FOXP1: variants seen among roughly 807,000 people sequenced by gnomAD.
FOXP1 encodes forkhead box P1.
FOXP1 carries 15 observed loss-of-function variants against 98.2 expected under a neutral mutation model. That is an observed-to-expected ratio of 0.15 (90% CI 0.10 to 0.24). The LOEUF is 0.24. FOXP1 is among the 10% of genes least tolerant of loss of function. The pLI, the probability that FOXP1 is intolerant of heterozygous loss-of-function variation, is 1.00. For missense variants in FOXP1, 633 were observed against 848.5 expected, an observed-to-expected ratio of 0.75 and a Z score of 3.15; for synonymous variants, 371 against 314.5, an observed-to-expected ratio of 1.18 and a Z score of -1.90.
chr3:71,037,116 T>C (rs1376485762), intron 11 of FOXP1, among the ~76,000 whole-genome samples: 1 of 152,200 alleles, frequency 6.6e-6, no homozygotes, highest in Non-Finnish European at 1.5e-5. Context: ...TACTGCTTCC[T>C]GAGTGGTCAG....
At chr3:71,331,556 G>A (rs944849946) in intron 4 of FOXP1, among the ~76,000 whole-genome samples, 1 of 152,254 alleles carries the variant, frequency 6.6e-6, no homozygotes, top group Non-Finnish European at 1.5e-5. Context: ...AGCCAACTGG[G>A]CTCCTGAGTC....
intron 7 of FOXP1, 112 bp from the exon 8 acceptor site, chr3:71,053,885 T>G (rs1359345765): frequency 9.2e-7 from 1 of 1,090,028 alleles, no homozygotes; most frequent in Non-Finnish European, 1.4e-6. Context: ...CAATTTCCCA[T>G]GCAACATGTA....
intron 3 of FOXP1, chr3:71,360,450 G>T (rs150646996): frequency 9.2e-5 from 14 of 152,204 alleles, no homozygotes; most frequent in South Asian, 6.2e-4. Context: ...AGCTTTCATC[G>T]CTTGGTTAGG....
chr3:71,473,237 A>G (rs1311827008), intron 3 of FOXP1, among the ~76,000 whole-genome samples: 2 of 152,218 alleles, frequency 1.3e-5, no homozygotes, highest in Non-Finnish European at 2.9e-5. Flanking sequence ...ACCTAGGTAC[A>G]TACAGCTAGG....
chr3:70,971,965 A>G, intron 18 of FOXP1: 8 of 1,359,798 alleles, frequency 5.9e-6, no homozygotes, highest in Non-Finnish European at 7.6e-6. Context: ...ATGCAAAGCC[A>G]AAGCAACAGC....
Position 71,285,355 on chromosome 3 carries a change from A to G in FOXP1, c.-12+14465T>C, listed in dbSNP as rs1401408502. On this transcript the variant is annotated intron_variant, in intron 5 of 20. Transcript: ENST00000649528. ...AAACTCAACTATTCAAAAAATGCACAGTAGTTGTCAACCAGCAGGATAATT... is the reference window on the plus strand; with the variant it reads ...AAACTCAACTATTCAAAAAATGCACGGTAGTTGTCAACCAGCAGGATAATT... 3.3e-5 allele frequency among the ~76,000 whole-genome samples: 5 copies of G among 152,218 alleles called. No homozygotes were observed. The East Asian group carries it at 9.6e-4, about 29-fold the overall frequency.
At chr3:71,416,469 C>T (rs2083222065) in intron 3 of FOXP1, among the ~76,000 whole-genome samples, 1 of 151,618 alleles carries the variant, frequency 6.6e-6, no homozygotes, top group Admixed American at 6.6e-5. Context: ...CACTTTAGCC[C>T]AGGAGTTTGA....
At chr3:71,401,300 C>T (rs1003517398) in intron 3 of FOXP1, among the ~76,000 whole-genome samples, 19 of 152,204 alleles carry the variant, frequency 1.2e-4, no homozygotes, top group African/African-American at 4.6e-4. Context: ...CTTACATTCT[C>T]ATGCCTTCTA....
At chr3:71,580,975 G>A (rs1045978678) in intron 2 of FOXP1, 2 of 985,294 alleles carry the variant, frequency 2.0e-6, no homozygotes, top group South Asian at 9.4e-5. Flanking sequence ...CAGCCCCTCA[G>A]AAGTGGACTG....
chr3:71,119,022 C>A (rs1414173988), intron 6 of FOXP1, among the ~76,000 whole-genome samples: 1 of 152,190 alleles, frequency 6.6e-6, no homozygotes, highest in African/African-American at 2.4e-5. Context: ...AAAGATTTCA[C>A]TGGATAGAAT....
intron 3 of FOXP1, among the ~76,000 whole-genome samples, chr3:71,420,964 C>T (rs1301812438): frequency 6.6e-6 from 1 of 152,110 alleles, no homozygotes; most frequent in Non-Finnish European, 1.5e-5. Flanking sequence ...GAGCCCTATG[C>T]CCAGTGAATG....
At chr3:71,396,836 G>A (rs114356483) in intron 3 of FOXP1, among the ~76,000 whole-genome samples, 3,129 of 145,794 alleles carry the variant, frequency 0.021, 98 homozygotes, top group South Asian at 0.086. Flanking sequence ...TTATTTCTCC[G>A]AAACTTTACT....
chr3:71,488,799 A>T (rs188052195), intron 3 of FOXP1, among the ~76,000 whole-genome samples: 94 of 152,362 alleles, frequency 6.2e-4, no homozygotes, highest in African/African-American at 2.0e-3. Flanking sequence ...TATTAAATCT[A>T]GCCTCTCTTT....
At chr3:71,095,755 G>C (rs1192504185) in intron 7 of FOXP1, among the ~76,000 whole-genome samples, 1 of 152,172 alleles carries the variant, frequency 6.6e-6, no homozygotes, top group Admixed American at 6.5e-5. Flanking sequence ...TCAAGTTAGC[G>C]ATCTGGTGAG....
intron 6 of FOXP1, among the ~76,000 whole-genome samples, chr3:71,172,694 G>A (rs1006127113): frequency 6.6e-6 from 1 of 152,178 alleles, no homozygotes; most frequent in African/African-American, 2.4e-5. Flanking sequence ...TTGGTCCTGT[G>A]TTCAAAATGA....
chr3:71,263,615 A>C (rs1159313434), intron 5 of FOXP1, among the ~76,000 whole-genome samples: 3 of 152,132 alleles, frequency 2.0e-5, no homozygotes, highest in Non-Finnish European at 4.4e-5. Context: ...AGGCTGCTCC[A>C]CCTACTCAAG....
At chr3:70,987,616 G>C (rs2039960287) in intron 14 of FOXP1, among the ~76,000 whole-genome samples, 1 of 152,160 alleles carries the variant, frequency 6.6e-6, no homozygotes, top group South Asian at 2.1e-4. Flanking sequence ...GAGCTGAAAT[G>C]CCTCTTTGCT....
intron 20 of FOXP1, among the ~76,000 whole-genome samples, chr3:70,962,547 A>C (rs939809039): frequency 6.6e-6 from 1 of 152,244 alleles, no homozygotes; most frequent in Non-Finnish European, 1.5e-5. Context: ...TGTGTTTCTC[A>C]GATTACTGAC....
At chr3:71,264,023 G>A (rs1177189367) in intron 5 of FOXP1, among the ~76,000 whole-genome samples, 1 of 151,798 alleles carries the variant, frequency 6.6e-6, no homozygotes, top group African/African-American at 2.4e-5. Flanking sequence ...ATTGTTGTAA[G>A]TACAGGAGTG....
Sources: gnomAD v4.1 joint callset for allele counts (sites outside exome capture counted in the v4.1 genomes callset) on GRCh38, gnomAD v4.1.1 for gene constraint, MANE v1.5 for transcripts, NCBI Gene and HGNC (gene_info 2026-07-23, HGNC 2026-07-21) for gene names.